KCNQ1OT1: variants seen among roughly 807,000 people sequenced by gnomAD.
The protein encoded by KCNQ1OT1 is KCNQ1 antisense RNA 2 (non-protein coding).
exon 1 of KCNQ1OT1, chr11:2,686,354 T>G (rs1246739841): frequency 7.5e-6 from 3 of 398,610 alleles, no homozygotes; most frequent in Non-Finnish European, 1.3e-5. Context: ...GGGAGGAGTA[T>G]GCTCACTTGG....
exon 1 of KCNQ1OT1, chr11:2,637,276 G>C (rs1849487030): frequency 6.6e-6 from 1 of 151,866 alleles, no homozygotes; most frequent in African/African-American, 2.4e-5. Context: ...GTGATGTTAG[G>C]GCATCAATTT....
At chr11:2,631,126 A>G in exon 1 of KCNQ1OT1, 1 of 398,568 alleles carries the variant, frequency 2.5e-6, no homozygotes, top group Non-Finnish European at 4.4e-6. Flanking sequence ...CAATCTGGGA[A>G]GAGCCCCAGA....
chr11:2,643,615 CTTTT>C (rs1483064364), exon 1 of KCNQ1OT1: 22 of 398,316 alleles, frequency 5.5e-5, no homozygotes, highest in Non-Finnish European at 7.5e-5. Context: ...GCCAGTCTGT[CTTTT>C]AAGTAGAAAG....
At chr11:2,667,816 G>T in exon 1 of KCNQ1OT1, 1 of 398,676 alleles carries the variant, frequency 2.5e-6, no homozygotes, top group South Asian at 1.3e-4. Flanking sequence ...CCCTGGTATA[G>T]GGTGGTGGTG....
rs1214025135 is a variant in KCNQ1OT1, at chr11:2,663,703, T to C, written n.36292A>G. On this transcript the variant is annotated non_coding_transcript_exon_variant, in exon 1 of 1. Transcript: ENST00000597346. The surrounding 1 kb of genome is among the most constrained non-coding windows in gnomAD (Gnocchi z 5.2). ...AGCTGGGCAGCCAGGCCTTACCAAC[T>C]CTTGGGTCTTGCAAGGCCCCTGCAG... 2.5e-6 allele frequency: 1 copy of C among 398,560 alleles called. No individual in the cohort carries two copies. Among genetic ancestry groups the C allele is most frequent in the Non-Finnish European group, 4.4e-6 (1 of 226,098 alleles). 24.7% of individuals were successfully genotyped at this position (398,560 alleles called of 1,614,324 possible).
chr11:2,672,351 G>T, exon 1 of KCNQ1OT1: 1 of 398,714 alleles, frequency 2.5e-6, no homozygotes, highest in Non-Finnish European at 4.4e-6. Flanking sequence ...AAGCAGTGTG[G>T]TGGGGCAGCC....
chr11:2,649,256 GT>G (rs1849720096), exon 1 of KCNQ1OT1: 2 of 397,888 alleles, frequency 5.0e-6, no homozygotes, highest in Non-Finnish European at 8.9e-6. Context: ...TCATTTTATT[GT>G]TTTCTGACTG....
At chr11:2,633,792 C>T (rs912512251) in exon 1 of KCNQ1OT1, 11 of 398,370 alleles carry the variant, frequency 2.8e-5, no homozygotes, top group African/African-American at 1.2e-4. Flanking sequence ...GGATTGCTTC[C>T]GAGACCCCCT....
In KCNQ1OT1 at chr11:2,674,891, A is replaced by C. The variant is rs944340501; in HGVS notation, n.25104T>G. On this transcript the variant is annotated non_coding_transcript_exon_variant, in exon 1 of 1. Coordinates refer to ENST00000597346, the Ensembl canonical transcript of KCNQ1OT1. The surrounding 1 kb of genome is among the most constrained non-coding windows in gnomAD (Gnocchi z 5.9). ...CTGGGCACCTTGGCTGCAGGGTCTG[A>C]AAAGTCCTTTGTGTTAGCTCCAGCT... The C allele has an allele frequency of 2.5e-6, 1 of 396,046 alleles. No homozygotes were observed. The highest frequency in any genetic ancestry group is 2.1e-5 in the African/African-American group (1 of 47,760). 24.5% of individuals were successfully genotyped at this position (396,046 alleles called of 1,614,324 possible).
Position 2,621,616 on chromosome 11 carries a change from G to T in KCNQ1OT1, n.78379C>A. 5.0e-6 allele frequency: 2 copies of T among 398,272 alleles called. No homozygotes were observed. The highest frequency in any genetic ancestry group is 8.9e-6 in the Non-Finnish European group (2 of 225,968). The allele number at this position is 398,272 out of a possible 1,614,324, so 24.7% of individuals were successfully genotyped here. The stretch of plus-strand genomic sequence containing the variant: ...ATTCCTGATTTAATCTTAGCAGGTT[G>T]GTTTTTTTCTAGGAATTTGTCCATT... On this transcript the variant is annotated non_coding_transcript_exon_variant, in exon 1 of 1. Coordinates refer to ENST00000597346, the Ensembl canonical transcript of KCNQ1OT1. This position sits in a 1 kb window ranked among gnomAD's most constrained non-coding sequence, Gnocchi z 5.7.
At chr11:2,672,553 G>A (rs1850205602) in exon 1 of KCNQ1OT1, 1 of 398,696 alleles carries the variant, frequency 2.5e-6, no homozygotes, top group Non-Finnish European at 4.4e-6. Flanking sequence ...ACATTGGAAG[G>A]TGGCCTTATC....
chr11:2,652,884 G>T lies in KCNQ1OT1; in HGVS notation n.47111C>A. ...CTTATTCTAAGGAGAAGTGTTTGGG[G>T]TGTGGGGTGTGGTCCTCAGTATCCT... On this transcript the variant is annotated non_coding_transcript_exon_variant, in exon 1 of 1. Transcript: ENST00000597346. This position sits in a 1 kb window ranked among gnomAD's most constrained non-coding sequence, Gnocchi z 5.9. 1 of 398,702 alleles carries T rather than the reference G, an allele frequency of 2.5e-6. No individual in the cohort carries two copies. The highest frequency in any genetic ancestry group is 4.4e-6 in the Non-Finnish European group (1 of 226,124). The allele number at this position is 398,702 out of a possible 1,614,324, so 24.7% of individuals were successfully genotyped here. A position where few individuals can be genotyped will look rare whatever the true frequency, so the allele number is the denominator to read the frequency against.
chr11:2,644,698 C>T, exon 1 of KCNQ1OT1: 1 of 398,572 alleles, frequency 2.5e-6, no homozygotes. Flanking sequence ...ATCTGTCTTT[C>T]CTAAGAGAGT....
At chr11:2,643,240 C>G (rs1355309474) in exon 1 of KCNQ1OT1, 2 of 398,036 alleles carry the variant, frequency 5.0e-6, no homozygotes, top group African/African-American at 4.1e-5. Flanking sequence ...GATGATCTGT[C>G]TAATACTGGA....
chr11:2,692,416 A>C, exon 1 of KCNQ1OT1: 1 of 398,722 alleles, frequency 2.5e-6, no homozygotes, highest in Non-Finnish European at 4.4e-6. Context: ...CTCAGTGGAC[A>C]GACATCCTTT....
chr11:2,688,518 C>G, exon 1 of KCNQ1OT1: 1 of 398,660 alleles, frequency 2.5e-6, no homozygotes. Context: ...AGGTAGAGGT[C>G]ACACAGCCAG....
rs1850175226 is a variant in KCNQ1OT1, at chr11:2,671,082, G to A, written n.28913C>T. 1 of 392,120 alleles carries A rather than the reference G, an allele frequency of 2.6e-6. No individual in the cohort carries two copies. Among genetic ancestry groups the A allele is most frequent in the Non-Finnish European group, 4.4e-6 (1 of 225,006 alleles). 24.3% of individuals were successfully genotyped at this position (392,120 alleles called of 1,614,324 possible). On this transcript the variant is annotated non_coding_transcript_exon_variant, in exon 1 of 1. Coordinates refer to ENST00000597346, the Ensembl canonical transcript of KCNQ1OT1. This position sits in a 1 kb window ranked among gnomAD's most constrained non-coding sequence, Gnocchi z 4.7. ...ATCCTTGGTAGTGACTGGCTAGCAGGAGGAAGTCTGGCAGTTAGTCTGAGC... is the reference window on the plus strand; with the variant it reads ...ATCCTTGGTAGTGACTGGCTAGCAGAAGGAAGTCTGGCAGTTAGTCTGAGC...
exon 1 of KCNQ1OT1, chr11:2,634,790 C>G (rs1849429387): frequency 6.6e-6 from 1 of 152,148 alleles, no homozygotes; most frequent in South Asian, 2.1e-4. Context: ...GTTTACAGTC[C>G]CACCAACAGT....
chr11:2,622,132 C>T (rs1849183278), exon 1 of KCNQ1OT1: 1 of 398,220 alleles, frequency 2.5e-6, no homozygotes, highest in African/African-American at 2.1e-5. Context: ...TTGACTCTAC[C>T]CATTACTGAA....
Sources: gnomAD v4.1 joint callset for allele counts on GRCh38, gnomAD v4.1.1 for gene constraint, Gnocchi (gnomAD v3.1) non-coding constraint, MANE v1.5 for transcripts, NCBI Gene and HGNC (gene_info 2026-07-23, HGNC 2026-07-21) for gene names.